Variants in RGL1 observed in about 807,000 individuals in gnomAD.
RGL1 encodes the protein ral guanine nucleotide dissociation stimulator like 1.
RGL1 carries 24 observed loss-of-function variants against 95.2 expected under a neutral mutation model. That is an observed-to-expected ratio of 0.25 (90% CI 0.18 to 0.35). The LOEUF is 0.35. Among genes scored for constraint, RGL1 ranks in the 10% least tolerant of loss-of-function variants. The pLI is 1.00. For missense variants in RGL1, 715 were observed against 936.3 expected (o/e 0.76, Z 3.08); for synonymous variants, 329 against 344.9 (o/e 0.95, Z 0.51).
At chr1:183,800,329 A>C (rs941071338), upstream of RGL1, among the ~76,000 whole-genome samples, 1 of 152,216 alleles carries the variant, frequency 6.6e-6, no homozygotes, top group African/African-American at 2.4e-5. Context: ...TTAAAGAATC[A>C]GCACACCAGC....
chr1:183,827,386 C>T (rs1021345759), intron 2 of RGL1, among the ~76,000 whole-genome samples: 1 of 152,176 alleles, frequency 6.6e-6, no homozygotes, highest in Admixed American at 6.5e-5. Flanking sequence ...TGTGGAGCTA[C>T]AGAGAAATAT....
intron 3 of RGL1, among the ~76,000 whole-genome samples, chr1:183,859,307 G>T (rs1440938180): frequency 6.6e-6 from 1 of 152,228 alleles, no homozygotes; most frequent in Non-Finnish European, 1.5e-5. Flanking sequence ...TAGCAGGAGT[G>T]TGAGAGCCAA....
chr1:183,798,051 G>C (rs1455358465), intron 2 of RGL1, among the ~76,000 whole-genome samples: 1 of 152,202 alleles, frequency 6.6e-6, no homozygotes, highest in African/African-American at 2.4e-5. Context: ...TCCACTACCA[G>C]TGAGTGGGAG....
In RGL1 at chr1:183,805,167, T is replaced by C. The variant is rs1572433101; in HGVS notation, c.-131T>C. On this transcript the variant is annotated 5_prime_UTR_variant, in exon 1 of 18. Transcript: ENST00000360851. ...GCGGCGGCGGGGGCAGCGCGGCGCGTGTCTGTGCGCTGCGGTCGCTCGGGA... is the reference window on the plus strand; with the variant it reads ...GCGGCGGCGGGGGCAGCGCGGCGCGCGTCTGTGCGCTGCGGTCGCTCGGGA... 5 of 1,252,304 alleles carry C rather than the reference T, an allele frequency of 4.0e-6. No individual in the cohort carries two copies. In the East Asian group the frequency reaches 1.6e-4, roughly 40 times the overall value. 77.6% of individuals were successfully genotyped at this position (1,252,304 alleles called of 1,614,324 possible).
chr1:183,897,713 A>T, intron 9 of RGL1, 95 bp from the exon 10 acceptor site: 1 of 851,026 alleles, frequency 1.2e-6, no homozygotes, highest in Non-Finnish European at 1.9e-6. Context: ...AGCGAGAGTT[A>T]TGCAGGGTTG....
intron 1 of RGL1, among the ~76,000 whole-genome samples, chr1:183,718,338 AT>A (rs1186482212): frequency 6.6e-6 from 1 of 152,188 alleles, no homozygotes; most frequent in Non-Finnish European, 1.5e-5. Context: ...CACTGGATAC[AT>A]TTAAAGGAAT....
intron 17 of RGL1, 101 bp from the exon 18 acceptor site, chr1:183,926,004 G>A (rs578045071): frequency 3.0e-5 from 29 of 974,036 alleles, no homozygotes; most frequent in South Asian, 2.0e-4. Flanking sequence ...ATGAAGGGCC[G>A]TAGTCCCGTT....
At chr1:183,692,589 G>C in intron 1 of RGL1, among the ~76,000 whole-genome samples, 1 of 152,198 alleles carries the variant, frequency 6.6e-6, no homozygotes, top group Middle Eastern at 3.4e-3. Context: ...TTATAGTTTC[G>C]TGCTTATTAA....
upstream of RGL1, among the ~76,000 whole-genome samples, chr1:183,803,003 G>T (rs746711471): frequency 1.3e-5 from 2 of 152,126 alleles, no homozygotes; most frequent in African/African-American, 2.4e-5. Flanking sequence ...GCCTACTGAT[G>T]AAATATTTTT....
intron 1 of RGL1, among the ~76,000 whole-genome samples, chr1:183,643,106 T>C (rs1432690111): frequency 2.0e-5 from 3 of 152,170 alleles, no homozygotes; most frequent in African/African-American, 7.2e-5. Flanking sequence ...ATTTCCTTCC[T>C]TTTTAAAGCC....
chr1:183,699,482 T>C (rs562520141), intron 1 of RGL1, among the ~76,000 whole-genome samples: 6 of 152,192 alleles, frequency 3.9e-5, no homozygotes, highest in African/African-American at 1.4e-4. Flanking sequence ...GAGCAAGTGA[T>C]GAAATTTAAT....
intron 3 of RGL1, among the ~76,000 whole-genome samples, chr1:183,863,931 T>TC (rs537934962): frequency 1.8e-3 from 268 of 152,312 alleles, no homozygotes; most frequent in African/African-American, 6.2e-3. Context: ...ACCAGGTTAG[T>TC]TAATGAGAGA....
At chr1:183,802,040 A>G (rs1443053083), upstream of RGL1, among the ~76,000 whole-genome samples, 1 of 152,206 alleles carries the variant, frequency 6.6e-6, no homozygotes, top group African/African-American at 2.4e-5. Flanking sequence ...ATTTTCTTTA[A>G]GGAGTTTTAT....
At chr1:183,893,714 G>T (rs1572565687) in intron 9 of RGL1, among the ~76,000 whole-genome samples, 1 of 152,076 alleles carries the variant, frequency 6.6e-6, no homozygotes, top group African/African-American at 2.4e-5. Context: ...TCATTCTCAG[G>T]TCTGTGCTCC....
chr1:183,727,534 A>C (rs530552283), intron 1 of RGL1, among the ~76,000 whole-genome samples: 3 of 152,164 alleles, frequency 2.0e-5, no homozygotes, highest in African/African-American at 7.2e-5. Flanking sequence ...CTTTTGCCCT[A>C]AGATCAAGTA....
At chr1:183,647,191 T>A (rs1326233871) in intron 1 of RGL1, 1 of 152,902 alleles carries the variant, frequency 6.5e-6, no homozygotes, top group African/African-American at 2.4e-5. Context: ...TAGAAAAAAA[T>A]GAGCTGCCTA....
chr1:183,647,497 G>A (rs1410307801), intron 1 of RGL1: 3 of 986,888 alleles, frequency 3.0e-6, no homozygotes, highest in Non-Finnish European at 4.1e-6. Flanking sequence ...GAAACATTTT[G>A]GATTATGTTT....
intron 5 of RGL1, among the ~76,000 whole-genome samples, chr1:183,883,509 C>T (rs112506353): frequency 2.3e-3 from 354 of 152,286 alleles, no homozygotes; most frequent in African/African-American, 7.9e-3. Flanking sequence ...AGGGCTCTCT[C>T]TAGACTTTGC....
chr1:183,877,620 A>G (rs1666580551), intron 4 of RGL1, among the ~76,000 whole-genome samples: 2 of 152,110 alleles, frequency 1.3e-5, no homozygotes, highest in South Asian at 2.1e-4. Flanking sequence ...CTGTTTGTGT[A>G]TGTCTTTCCC....
Sources: allele counts gnomAD v4.1 joint callset (sites outside exome capture counted in the v4.1 genomes callset), GRCh38; gene constraint gnomAD v4.1.1; transcripts MANE v1.5; gene names NCBI Gene and HGNC (gene_info 2026-07-23, HGNC 2026-07-21).